The following VWA8 variants were observed in gnomAD, a reference collection of about 807,000 sequenced individuals.
The protein encoded by VWA8 is von Willebrand factor A domain containing 8.
A neutral mutation model predicts 241.5 loss-of-function variants in VWA8; 221 were observed. That is an observed-to-expected ratio of 0.91 (90% CI 0.82 to 1.02). The LOEUF (loss-of-function observed/expected upper bound fraction) is 1.02, where lower values mean the gene tolerates loss of function less well. Ranked by LOEUF, VWA8 falls within the 50% of genes least tolerant of loss-of-function variation. The probability of loss-of-function intolerance (pLI) is 0.00; values close to 1 mark genes in which losing one functional copy is unlikely to be tolerated. For missense variants in VWA8, 2,322 were observed against 2,328.7 expected (o/e 1.00, Z 0.06); for synonymous variants, 852 against 827.1 (o/e 1.03, Z -0.52).
intron 1 of VWA8, among the ~76,000 whole-genome samples, chr13:41,959,511 C>T (rs111241770): frequency 9.9e-6 from 1 of 101,288 alleles, no homozygotes; most frequent in African/African-American, 3.6e-5. Flanking sequence ...AAAAAAAAAA[C>T]AAAAAGTAAA....
chr13:41,640,385 G>A (rs949910886), intron 37 of VWA8, among the ~76,000 whole-genome samples: 1 of 152,104 alleles, frequency 6.6e-6, no homozygotes, highest in Non-Finnish European at 1.5e-5. Context: ...TTCTCCTGCT[G>A]GTAGACTTAC....
chr13:41,774,409 C>G (rs1316181555), intron 20 of VWA8, among the ~76,000 whole-genome samples: 2 of 152,224 alleles, frequency 1.3e-5, no homozygotes, highest in Non-Finnish European at 2.9e-5. Flanking sequence ...TCCCAAAGTG[C>G]TGGGATTACA....
At chr13:41,828,980 G>A (rs1283374915) in intron 14 of VWA8, among the ~76,000 whole-genome samples, 4 of 152,024 alleles carry the variant, frequency 2.6e-5, no homozygotes, top group Non-Finnish European at 5.9e-5. Context: ...GATATCAGAT[G>A]GCATACTCCA....
chr13:41,686,808 GGTTCTGACA>G (rs2045139437), intron 34 of VWA8, among the ~76,000 whole-genome samples: 1 of 151,966 alleles, frequency 6.6e-6, no homozygotes, highest in Non-Finnish European at 1.5e-5. Flanking sequence ...TACCTGCTTG[GGTTCTGACA>G]GCCCATAGGG....
chr13:41,694,578 T>A (rs116589477), intron 29 of VWA8, among the ~76,000 whole-genome samples: 1,594 of 152,198 alleles, frequency 0.01, 11 homozygotes, highest in Non-Finnish European at 0.015. Flanking sequence ...GTTAAAAATT[T>A]ATAATCTCTA....
intron 37 of VWA8, among the ~76,000 whole-genome samples, chr13:41,619,689 A>G (rs1378199909): frequency 6.6e-6 from 1 of 152,136 alleles, no homozygotes; most frequent in Non-Finnish European, 1.5e-5. Flanking sequence ...AGGAGTGTTG[A>G]ATTTTGTCGA....
At chr13:41,737,025 A>G (rs529810501) in intron 21 of VWA8, among the ~76,000 whole-genome samples, 1 of 151,670 alleles carries the variant, frequency 6.6e-6, no homozygotes, top group South Asian at 2.1e-4. Flanking sequence ...TGTATTCACC[A>G]TCTCTACCAG....
intron 37 of VWA8, among the ~76,000 whole-genome samples, chr13:41,662,069 C>CA (rs2044953626): frequency 6.6e-6 from 1 of 152,166 alleles, no homozygotes; most frequent in South Asian, 2.1e-4. Flanking sequence ...AATTAGGTAG[C>CA]ATGATTTCTC....
rs1452874228 is a variant in VWA8 at position 41,729,804 on chromosome 13, C to CACACAT, written c.2503-128_2503-127insATGTGT. The CACACAT allele has an allele frequency of 1.2e-3, 441 of 363,518 alleles. 32 individuals are homozygous for CACACAT. In the South Asian group the frequency reaches 0.013, roughly 11 times the overall value. 22.5% of individuals were successfully genotyped at this position (363,518 alleles called of 1,614,324 possible). On this transcript the variant is annotated intron_variant, in intron 22 of 44. Transcript: ENST00000379310. ...AGTTACAAGTATACACGTAGACACA[C>CACACAT]ACACACACACACACACACACACACA...
At chr13:41,677,379 C>G (rs1461705524) in intron 35 of VWA8, among the ~76,000 whole-genome samples, 2 of 152,220 alleles carry the variant, frequency 1.3e-5, no homozygotes, top group South Asian at 4.1e-4. Context: ...CATGGTGTGT[C>G]AGAAACACTG....
intron 12 of VWA8, among the ~76,000 whole-genome samples, chr13:41,850,869 C>T (rs992439442): frequency 3.3e-5 from 5 of 152,080 alleles, no homozygotes; most frequent in South Asian, 2.1e-4. Flanking sequence ...TGGAGACCTA[C>T]GAACTACCTG....
At chr13:41,569,726 CTCTT>C (rs1397467428) in intron 44 of VWA8, among the ~76,000 whole-genome samples, 3 of 151,178 alleles carry the variant, frequency 2.0e-5, no homozygotes, top group African/African-American at 7.3e-5. Flanking sequence ...AAACCATGAG[CTCTT>C]TCTGTTTGTA....
Position 41,912,035 on chromosome 13 carries a change from C to A in VWA8, c.372+3G>T. 1.3e-6 allele frequency: 2 copies of A among 1,569,344 alleles called. No individual in the cohort carries two copies. Among genetic ancestry groups the A allele is most frequent in the Admixed American group, 1.8e-5 (1 of 56,036 alleles). On this transcript the variant is annotated splice_donor_region_variant and intron_variant, in intron 3 of 44. Transcript: ENST00000379310. ...TAGAAATTGACAAGAATTAACTGCTCACCAAGTACTGCATAGCAATAGAGC... is the reference window on the plus strand; with the variant it reads ...TAGAAATTGACAAGAATTAACTGCTAACCAAGTACTGCATAGCAATAGAGC...
At chr13:41,870,135 T>G (rs1473373242) in intron 9 of VWA8, among the ~76,000 whole-genome samples, 1 of 152,170 alleles carries the variant, frequency 6.6e-6, no homozygotes, top group African/African-American at 2.4e-5. Context: ...TGTGAATTTA[T>G]ACTGCCATTA....
intron 16 of VWA8, among the ~76,000 whole-genome samples, chr13:41,815,226 A>G (rs1233389736): frequency 1.2e-4 from 19 of 152,188 alleles, no homozygotes. Flanking sequence ...TAAAGGAGAA[A>G]GTATTTGGAA....
chr13:41,700,300 C>T (rs1009462148), intron 28 of VWA8, among the ~76,000 whole-genome samples: 2 of 151,600 alleles, frequency 1.3e-5, no homozygotes, highest in Non-Finnish European at 2.9e-5. Flanking sequence ...ATATATTATA[C>T]ATATCACACA....
chr13:41,840,497 C>T (rs1871946862), intron 12 of VWA8, among the ~76,000 whole-genome samples: 1 of 151,998 alleles, frequency 6.6e-6, no homozygotes, highest in Non-Finnish European at 1.5e-5. Flanking sequence ...GTAGCTCATG[C>T]TTGTAATTCT....
intron 44 of VWA8, among the ~76,000 whole-genome samples, chr13:41,568,803 C>T (rs914120856): frequency 2.0e-5 from 3 of 151,996 alleles, no homozygotes; most frequent in Admixed American, 6.6e-5. Flanking sequence ...TTTTTTGGTC[C>T]ACATCACACA....
intron 2 of VWA8, among the ~76,000 whole-genome samples, chr13:41,940,683 A>G (rs141098562): frequency 2.5e-4 from 38 of 152,348 alleles, no homozygotes; most frequent in African/African-American, 8.9e-4. Flanking sequence ...ATATGTGGCT[A>G]AAGATTTTAG....
Sources: allele counts gnomAD v4.1 joint callset (sites outside exome capture counted in the v4.1 genomes callset), GRCh38; gene constraint gnomAD v4.1.1; transcripts MANE v1.5; gene names NCBI Gene and HGNC (gene_info 2026-07-23, HGNC 2026-07-21).